The following CADM2 variants were observed in gnomAD, a reference collection of about 807,000 sequenced individuals.
CADM2 encodes cell adhesion molecule 2.
In CADM2, 12 loss-of-function variants were observed where a neutral mutation model predicts 49.8. That is an observed-to-expected ratio of 0.24 (90% CI 0.15 to 0.39). CADM2 has a LOEUF of 0.39. Among genes scored for constraint, CADM2 ranks in the 10% least tolerant of loss-of-function variants. CADM2 has a pLI of 1.00. For synonymous variants in CADM2, 214 were observed against 175.4 expected, an observed-to-expected ratio of 1.22 and a Z score of -1.74; for missense variants, 378 against 492.3, an observed-to-expected ratio of 0.77 and a Z score of 2.20.
chr3:86,024,003 A>G (rs1236201143), intron 8 of CADM2, among the ~76,000 whole-genome samples: 1 of 152,226 alleles, frequency 6.6e-6, no homozygotes, highest in African/African-American at 2.4e-5. Context: ...ATCAAAATTT[A>G]CGTTGACTTT....
chr3:85,598,778 T>C (rs2063315492), intron 1 of CADM2, among the ~76,000 whole-genome samples: 1 of 151,958 alleles, frequency 6.6e-6, no homozygotes, highest in African/African-American at 2.4e-5. Flanking sequence ...GTGGAAATTG[T>C]TTAATTGCCA....
chr3:85,611,384 A>G (rs988838011), intron 1 of CADM2, among the ~76,000 whole-genome samples: 1 of 151,784 alleles, frequency 6.6e-6, no homozygotes, highest in African/African-American at 2.4e-5. Flanking sequence ...TATTAATAAC[A>G]TATCTCAGCA....
intron 1 of CADM2, among the ~76,000 whole-genome samples, chr3:85,236,412 T>G (rs1559736275): frequency 6.6e-6 from 1 of 152,060 alleles, no homozygotes; most frequent in Non-Finnish European, 1.5e-5. Flanking sequence ...AGATAAACCT[T>G]CTTTGCTAGA....
At chr3:85,655,380 C>T (rs539479267) in intron 1 of CADM2, among the ~76,000 whole-genome samples, 4 of 152,082 alleles carry the variant, frequency 2.6e-5, no homozygotes, top group South Asian at 4.1e-4. Context: ...AGGCTGGTCT[C>T]GAACTCCAGA....
At chr3:85,892,755 C>T (rs1714635011) in intron 5 of CADM2, among the ~76,000 whole-genome samples, 1 of 152,132 alleles carries the variant, frequency 6.6e-6, no homozygotes, top group South Asian at 2.1e-4. Context: ...TGAGACACTG[C>T]TGTAAAGTTA....
intron 1 of CADM2, among the ~76,000 whole-genome samples, chr3:85,580,073 A>G (rs2062751404): frequency 6.6e-6 from 1 of 152,186 alleles, no homozygotes; most frequent in Admixed American, 6.5e-5. Context: ...GAGGATGGCA[A>G]GAAATCATTT....
intron 1 of CADM2, among the ~76,000 whole-genome samples, chr3:85,259,187 G>C (rs1290965502): frequency 6.6e-6 from 1 of 152,080 alleles, no homozygotes; most frequent in Admixed American, 6.6e-5. Flanking sequence ...ACAGTACATG[G>C]CAACAAAAGC....
At chr3:84,960,187 G>A (rs971545254) in intron 1 of CADM2, 15 of 158,246 alleles carry the variant, frequency 9.5e-5, no homozygotes, top group Non-Finnish European at 1.9e-4. Context: ...CTACCAAGAC[G>A]GGCGAGAACA....
chr3:85,215,383 GA>G (rs1222884543), intron 1 of CADM2, among the ~76,000 whole-genome samples: 8 of 119,590 alleles, frequency 6.7e-5, no homozygotes, highest in African/African-American at 1.5e-4. Flanking sequence ...AAAAAAAAAA[GA>G]AAAAAACTTT....
At chr3:85,251,928 G>C (rs979129721) in intron 1 of CADM2, among the ~76,000 whole-genome samples, 1 of 151,884 alleles carries the variant, frequency 6.6e-6, no homozygotes, top group South Asian at 2.1e-4. Flanking sequence ...AACATGAATG[G>C]CATTTTCATC....
At position 84,959,536 on chromosome 3, in the gene CADM2, GCA is replaced by G; in HGVS notation, c.-70_-69del. 2 of 1,403,260 alleles carry G rather than the reference GCA, an allele frequency of 1.4e-6. No homozygotes were observed. The highest frequency in any genetic ancestry group is 1.9e-6 in the Non-Finnish European group (2 of 1,026,346). The allele number at this position is 1,403,260 out of a possible 1,614,324, so 86.9% of individuals were successfully genotyped here. ...GGGAGGAGGACACCAGCGGAGCCCT[GCA>G]CTCTCGTGCCCCGCTCACCAGCATC... On this transcript the variant is annotated 5_prime_UTR_variant, in exon 1 of 10. Coordinates refer to ENST00000383699, the MANE Select transcript of CADM2 (RefSeq NM_001167675.2).
intron 3 of CADM2, among the ~76,000 whole-genome samples, chr3:85,846,212 TA>T (rs946795009): frequency 6.6e-6 from 1 of 152,154 alleles, no homozygotes; most frequent in Non-Finnish European, 1.5e-5. Flanking sequence ...GCATTTTTAG[TA>T]AAAAAATGAC....
At chr3:85,305,897 T>C (rs1203680102) in intron 1 of CADM2, among the ~76,000 whole-genome samples, 1 of 151,654 alleles carries the variant, frequency 6.6e-6, no homozygotes, top group Non-Finnish European at 1.5e-5. Context: ...GAAATGAAGC[T>C]ACTACATTTA....
intron 3 of CADM2, among the ~76,000 whole-genome samples, chr3:85,862,731 G>T (rs1269518887): frequency 2.0e-5 from 3 of 152,180 alleles, no homozygotes; most frequent in Admixed American, 6.6e-5. Context: ...TTAACATGGA[G>T]TGACATGTTT....
chr3:85,953,065 G>A (rs1723643150), intron 7 of CADM2, among the ~76,000 whole-genome samples: 1 of 149,388 alleles, frequency 6.7e-6, no homozygotes, highest in South Asian at 2.1e-4. Context: ...CTTTGCTTTT[G>A]TTCATGTTGC....
chr3:85,118,807 T>A (rs564843560), intron 1 of CADM2, among the ~76,000 whole-genome samples: 13 of 152,334 alleles, frequency 8.5e-5, no homozygotes, highest in African/African-American at 3.1e-4. Flanking sequence ...TGGAGTGCAA[T>A]GGCGCGATCT....
intron 1 of CADM2, among the ~76,000 whole-genome samples, chr3:85,322,142 C>T (rs1259457717): frequency 6.6e-6 from 1 of 152,086 alleles, no homozygotes; most frequent in Non-Finnish European, 1.5e-5. Flanking sequence ...AACCAACAGT[C>T]CCAGTGTAAA....
Position 85,243,722 on chromosome 3 carries a change from T to A in CADM2, c.61+284054T>A, listed in dbSNP as rs575985208. Among the ~76,000 whole-genome samples the A allele has an allele frequency of 7.9e-5, 12 of 152,080 alleles. No individual in the cohort carries two copies. The South Asian group carries it at 1.2e-3, about 16-fold the overall frequency. On this transcript the variant is annotated intron_variant, in intron 1 of 9. Coordinates refer to ENST00000383699, the MANE Select transcript of CADM2 (RefSeq NM_001167675.2). ...ATAACTGTAAGAGTGCTGTCTATAA[T>A]AAAGGAGAAAAAATTAACATTTCTA...
At chr3:85,602,541 A>G (rs2063436291) in intron 1 of CADM2, among the ~76,000 whole-genome samples, 1 of 151,726 alleles carries the variant, frequency 6.6e-6, no homozygotes, top group African/African-American at 2.4e-5. Flanking sequence ...GTAAGATTTT[A>G]GGTTATTTGT....
Sources: gnomAD v4.1 joint callset for allele counts (sites outside exome capture counted in the v4.1 genomes callset) on GRCh38, gnomAD v4.1.1 for gene constraint, MANE v1.5 for transcripts, NCBI Gene and HGNC (gene_info 2026-07-23, HGNC 2026-07-21) for gene names.